EPM2A: variants seen among roughly 807,000 people sequenced by gnomAD.
EPM2A encodes laforin.
In EPM2A, 21 loss-of-function variants were observed where a neutral mutation model predicts 26.5. That is an observed-to-expected ratio of 0.79 (90% CI 0.56 to 1.14). The LOEUF is 1.14. Among genes scored for constraint, EPM2A ranks in the 50% most tolerant of loss-of-function variants. EPM2A has a pLI of 0.00. For missense variants in EPM2A, 458 were observed against 440.8 expected, an observed-to-expected ratio of 1.04 and a Z score of -0.35; for synonymous variants, 217 against 177.6, an observed-to-expected ratio of 1.22 and a Z score of -1.76.
chr6:145,554,565 TA>T (rs1239559133), intron 2 of EPM2A, among the ~76,000 whole-genome samples: 1 of 152,078 alleles, frequency 6.6e-6, no homozygotes, highest in Admixed American at 6.6e-5. Flanking sequence ...GGATAATTAA[TA>T]AACAGAAATT....
chr6:145,456,600 A>C (rs1779265385), intron 4 of EPM2A, among the ~76,000 whole-genome samples: 1 of 152,094 alleles, frequency 6.6e-6, no homozygotes, highest in South Asian at 2.1e-4. Context: ...TTTTCTCTTA[A>C]TGAATATGGA....
At chr6:145,398,894 A>G (rs1466232463) in intron 4 of EPM2A, among the ~76,000 whole-genome samples, 1 of 150,268 alleles carries the variant, frequency 6.7e-6, no homozygotes, top group African/African-American at 2.4e-5. Flanking sequence ...GACTTTCTCC[A>G]ATGTTCCTGA....
chr6:145,680,757 C>T (rs1257220678), intron 2 of EPM2A, among the ~76,000 whole-genome samples: 28 of 152,222 alleles, frequency 1.8e-4, no homozygotes, highest in Admixed American at 1.4e-3. Context: ...TTCCATGGTG[C>T]ATATGTGCCA....
chr6:145,590,292 G>T lies in EPM2A; in HGVS notation c.340+44953C>A, dbSNP rs990823599. Among the ~76,000 whole-genome samples, 29 of 152,094 alleles carry T rather than the reference G, an allele frequency of 1.9e-4. 1 individual carries two copies. The highest frequency in any genetic ancestry group is 6.3e-4 in the African/African-American group (26 of 41,482). On this transcript the variant is annotated intron_variant, in intron 2 of 3. Transcript: ENST00000450221. The stretch of plus-strand genomic sequence containing the variant: ...CTCACAATTCTGTCAGGGGAAGAGG[G>T]GAGTAGCCATTTTTAAATATACCAA...
intron 4 of EPM2A, among the ~76,000 whole-genome samples, chr6:145,386,309 A>G (rs1778261143): frequency 6.6e-6 from 1 of 152,052 alleles, no homozygotes; most frequent in African/African-American, 2.4e-5. Flanking sequence ...TATGGACACT[A>G]TTGATTTTTA....
chr6:145,610,854 CTT>C (rs1775377318), intron 2 of EPM2A, among the ~76,000 whole-genome samples: 1 of 152,172 alleles, frequency 6.6e-6, no homozygotes, highest in Non-Finnish European at 1.5e-5. Flanking sequence ...TCACTGTATC[CTT>C]TTGTGTGTAA....
intron 4 of EPM2A, chr6:145,490,440 A>G: frequency 1.3e-6 from 1 of 746,296 alleles, no homozygotes; most frequent in Middle Eastern, 2.4e-4. Flanking sequence ...GACAATTTGG[A>G]CATTCAAAAG....
At chr6:145,732,596 A>G (rs1776556490) in intron 1 of EPM2A, among the ~76,000 whole-genome samples, 1 of 152,188 alleles carries the variant, frequency 6.6e-6, no homozygotes, top group Non-Finnish European at 1.5e-5. Flanking sequence ...AAAAAAATTA[A>G]TAACAAATTT....
At chr6:145,441,244 G>T (rs921449375) in intron 4 of EPM2A, among the ~76,000 whole-genome samples, 2 of 152,132 alleles carry the variant, frequency 1.3e-5, no homozygotes, top group African/African-American at 4.8e-5. Flanking sequence ...TTGTACTTTG[G>T]CCCCTTTTTA....
At chr6:145,668,677 C>T (rs1779418611) in intron 2 of EPM2A, among the ~76,000 whole-genome samples, 1 of 152,138 alleles carries the variant, frequency 6.6e-6, no homozygotes. Context: ...GATCTCAGAG[C>T]AGTACCTCCA....
At chr6:145,443,500 T>C (rs1779093918) in intron 4 of EPM2A, among the ~76,000 whole-genome samples, 1 of 152,196 alleles carries the variant, frequency 6.6e-6, no homozygotes, top group Non-Finnish European at 1.5e-5. Flanking sequence ...CAATTGTGAA[T>C]AGGATTGTGT....
At chr6:145,421,700 C>T (rs1046976068) in intron 4 of EPM2A, among the ~76,000 whole-genome samples, 1 of 151,540 alleles carries the variant, frequency 6.6e-6, no homozygotes, top group African/African-American at 2.4e-5. Context: ...TATAAACAGA[C>T]TAGCTTTTAA....
In EPM2A at chr6:145,543,606, T is replaced by C. The variant is rs569240541; in HGVS notation, c.341-41031A>G. Among the ~76,000 whole-genome samples, 44 of 152,256 alleles carry C rather than the reference T, an allele frequency of 2.9e-4. 2 individuals are homozygous for C. The South Asian group carries it at 8.9e-3, about 31-fold the overall frequency. ...CTTTAATAATTTAAAGAAAAAAAAG[T>C]ATTTGTTTTATATTTAGTTTTTCAT... On this transcript the variant is annotated intron_variant, in intron 2 of 3. Coordinates refer to the EPM2A transcript ENST00000450221.
At chr6:145,674,910 A>T (rs189512893) in intron 2 of EPM2A, among the ~76,000 whole-genome samples, 3 of 152,192 alleles carry the variant, frequency 2.0e-5, no homozygotes, top group African/African-American at 4.8e-5. Flanking sequence ...GCAGGCCAAC[A>T]TTCAAATTCA....
chr6:145,481,898 C>T (rs553624861), intron 4 of EPM2A, among the ~76,000 whole-genome samples: 1 of 148,066 alleles, frequency 6.8e-6, no homozygotes, highest in African/African-American at 2.5e-5. Flanking sequence ...AAACCATAAA[C>T]AACATATTTG....
intron 2 of EPM2A, among the ~76,000 whole-genome samples, chr6:145,670,672 T>C (rs1779575613): frequency 6.6e-6 from 1 of 152,274 alleles, no homozygotes; most frequent in South Asian, 2.1e-4. Context: ...ACTAATATTC[T>C]TTGATATGGT....
At chr6:145,716,361 G>T (rs1311020783) in intron 1 of EPM2A, among the ~76,000 whole-genome samples, 1 of 152,166 alleles carries the variant, frequency 6.6e-6, no homozygotes, top group Non-Finnish European at 1.5e-5. Context: ...TGAAGATTCT[G>T]CAGGTCTGTG....
downstream of EPM2A, among the ~76,000 whole-genome samples, chr6:145,496,728 A>ATGTTTTT (rs779194973): frequency 5.5e-4 from 59 of 106,862 alleles, 1 homozygote; most frequent in South Asian, 1.5e-3. Flanking sequence ...AGTTCCTGCA[A>ATGTTTTT]TTTTTTTTTT....
At chr6:145,491,670 C>G (rs1234375759) in intron 4 of EPM2A, 2 of 407,334 alleles carry the variant, frequency 4.9e-6, no homozygotes, top group East Asian at 1.4e-4. Context: ...GTTGCTGTCC[C>G]AGACTTGAGT....
Sources: allele counts gnomAD v4.1 joint callset (sites outside exome capture counted in the v4.1 genomes callset), GRCh38; gene constraint gnomAD v4.1.1; transcripts MANE v1.5; gene names NCBI Gene and HGNC (gene_info 2026-07-23, HGNC 2026-07-21).